Variants in GGT7 observed in about 807,000 individuals in gnomAD.
GGT7 encodes gamma-glutamyltransferase 7, also known as glutathione hydrolase 7.
GGT7 carries 30 observed loss-of-function variants against 69.2 expected under a neutral mutation model. That is an observed-to-expected ratio of 0.43 (90% confidence interval 0.32 to 0.59). The LOEUF is 0.59. GGT7 is among the 20% of genes least tolerant of loss of function. The pLI is 0.05. For synonymous variants in GGT7, 388 were observed against 391.8 expected (o/e 0.99, Z 0.12); for missense variants, 733 against 901.1 (o/e 0.81, Z 2.39).
chr20:34,849,012 CCT>C lies in GGT7; in HGVS notation c.1825+947_1825+948del, dbSNP rs201796787. ...AGGTCCACGATCCGGCGCCTGCCTG[CCT>C]CTCTGATCTAATTTCATCCTTGCTT... On this transcript the variant is annotated intron_variant, in intron 14 of 14. Transcript: ENST00000336431. Among the ~76,000 whole-genome samples the C allele has an allele frequency of 9.0e-3, 1,365 of 152,282 alleles. 27 individuals carry two copies. The highest frequency in any genetic ancestry group is 0.031 in the African/African-American group (1,297 of 41,548).
intron 1 of GGT7, among the ~76,000 whole-genome samples, chr20:34,866,546 CT>C (rs11476486): frequency 0.84 from 124,225 of 147,390 alleles, 52,385 homozygotes; most frequent in East Asian, 0.99. Context: ...CTCACTATTG[CT>C]TTTTTTTTTT....
chr20:34,865,945 G>C (rs2079683151), intron 1 of GGT7, among the ~76,000 whole-genome samples: 1 of 152,052 alleles, frequency 6.6e-6, no homozygotes, highest in Non-Finnish European at 1.5e-5. Context: ...AATTTTTTTA[G>C]TACCTGCTAC....
chr20:34,859,373 A>T, intron 7 of GGT7, 70 bp downstream of exon 7: 10 of 1,239,594 alleles, frequency 8.1e-6, no homozygotes, highest in Non-Finnish European at 1.1e-5. Flanking sequence ...GGAAGGAAAA[A>T]ATGCGGACGC....
Position 34,859,737 on chromosome 20 carries a change from C to G in GGT7, c.818-98G>C, listed in dbSNP as rs570208475. 6.9e-6 allele frequency: 7 copies of G among 1,010,356 alleles called. No homozygotes were observed. In the South Asian group the frequency reaches 1.1e-4, roughly 16 times the overall value. 62.6% of individuals were successfully genotyped at this position (1,010,356 alleles called of 1,614,324 possible). A position where few individuals can be genotyped will look rare whatever the true frequency, so the allele number is the denominator to read the frequency against. ...GGTAGATGGGGGCTGAGTGGCCCAC[C>G]CTAAGTGCCCTGACCCCCAGGAGCC... On this transcript the variant is annotated intron_variant, in intron 6 of 14. Coordinates refer to ENST00000336431, the MANE Select transcript of GGT7 (RefSeq NM_178026.3).
chr20:34,859,883 C>T (rs2079559541), intron 6 of GGT7, 86 bp downstream of exon 6: 1 of 996,462 alleles, frequency 1.0e-6, no homozygotes, highest in Admixed American at 2.0e-5. Flanking sequence ...GAAGAGAGGG[C>T]CTCTCTGGCT....
At chr20:34,851,451 G>A (rs2079391055) in intron 12 of GGT7, 83 bp from the exon 13 acceptor site, 1 of 1,360,576 alleles carries the variant, frequency 7.3e-7, no homozygotes, top group South Asian at 1.4e-5. Flanking sequence ...CCTTCCAACT[G>A]CTCTCCCTCT....
At position 34,850,341 on chromosome 20, in the gene GGT7, G is replaced by C. The variant is rs138240722; in HGVS notation, c.1726-281C>G. On this transcript the variant is annotated intron_variant, in intron 13 of 14. Coordinates refer to ENST00000336431, the MANE Select transcript of GGT7 (RefSeq NM_178026.3). ...GAACCAAGTCTCTTTAATCTAGCCC[G>C]GGGCTCCCTTCTTTTCTCTCTGGAT... is the stretch of plus-strand genomic sequence containing the variant. 814 of 574,632 alleles carry C rather than the reference G, an allele frequency of 1.4e-3. 3 individuals carry two copies. Among genetic ancestry groups the C allele is most frequent in the African/African-American group, 0.014 (747 of 53,666 alleles). The allele number at this position is 574,632 out of a possible 1,614,324, so 35.6% of individuals were successfully genotyped here.
Position 34,863,052 on chromosome 20 carries a change from C to T in GGT7, c.406-87G>A. ...CCACTAGCCCTAGAACTCTACGCGG[C>T]ATGAAGGTCGAAGCCCTGCCCCCTT... is the stretch of plus-strand genomic sequence containing the variant. On this transcript the variant is annotated intron_variant, in intron 2 of 14. Coordinates refer to ENST00000336431, the MANE Select transcript of GGT7 (RefSeq NM_178026.3). The surrounding 1 kb of genome is among the most constrained non-coding windows in gnomAD (Gnocchi z 4.4). 2.2e-6 allele frequency: 3 copies of T among 1,344,728 alleles called. No homozygotes were observed. Among genetic ancestry groups the T allele is most frequent in the Non-Finnish European group, 3.1e-6 (3 of 977,788 alleles). The allele number at this position is 1,344,728 out of a possible 1,614,324, so 83.3% of individuals were successfully genotyped here. A position where few individuals can be genotyped will look rare whatever the true frequency, so the allele number is the denominator to read the frequency against.
chr20:34,859,993 C>A lies in GGT7; in HGVS notation c.793G>T (p.Gly265Cys). 1 of 1,567,786 alleles carries A rather than the reference C, an allele frequency of 6.4e-7. No homozygotes were observed. The highest frequency in any genetic ancestry group is 2.3e-5 in the East Asian group (1 of 42,716). ...LAFAAAVAQD[G>C]FNVTHDLARA... ...CCTAGATCATGAGTCACGTTGAAGC[C>A]ATCTTGGGCCACAGCTGCTGCAAAG... The change falls in exon 6 of 15, where the codon GGC (glycine) becomes TGC (cysteine). Residue 265 changes from glycine (G) to cysteine (C), a missense_variant. Gly to Cys is a radical substitution (Grantham distance 159, BLOSUM62 -3). Transcript: ENST00000336431.
intron 5 of GGT7, 34 bp downstream of exon 5, chr20:34,860,220 G>A (rs780340344): frequency 1.1e-5 from 17 of 1,508,264 alleles, no homozygotes; most frequent in African/African-American, 9.6e-5. Flanking sequence ...AGATGCAAAC[G>A]GGGGTCCCTG....
chr20:34,852,019 A>G, intron 12 of GGT7, 136 bp downstream of exon 12: 1 of 682,092 alleles, frequency 1.5e-6, no homozygotes, highest in Non-Finnish European at 2.7e-6. Flanking sequence ...AGGGCTAGGG[A>G]TGAGGTGAAC....
intron 1 of GGT7, among the ~76,000 whole-genome samples, chr20:34,865,533 CAA>C (rs367793213): frequency 2.6e-5 from 4 of 152,322 alleles, no homozygotes; most frequent in African/African-American, 4.8e-5. Flanking sequence ...TGTCTGGAGA[CAA>C]ACTGGAGGAC....
In GGT7 at chr20:34,852,247, C is replaced by T. The variant is rs2079407701; in HGVS notation, c.1495G>A (p.Gly499Ser). 9 of 1,613,888 alleles carry T rather than the reference C, an allele frequency of 5.6e-6. No individual in the cohort carries two copies. Among genetic ancestry groups the T allele is most frequent in the Non-Finnish European group, 6.8e-6 (8 of 1,179,770 alleles). The change falls in exon 12 of 15, where the codon GGC becomes AGC. Residue 499 changes from glycine to serine, a missense_variant. Physicochemically the swap from Gly to Ser is moderately conservative, Grantham distance 56 (BLOSUM62 0). Coordinates refer to ENST00000336431, the MANE Select transcript of GGT7 (RefSeq NM_178026.3). ...VSSLNQPFGS[G>S]LITPSGILLN... Reference sequence around the variant, plus strand: ...AGGATCCCCGAGGGGGTGATAAGGCCGCTGCCAAAGGGCTGGTTCAGGGAG... The same window carrying T: ...AGGATCCCCGAGGGGGTGATAAGGCTGCTGCCAAAGGGCTGGTTCAGGGAG...
intron 1 of GGT7, among the ~76,000 whole-genome samples, chr20:34,869,954 C>A (rs2079754509): frequency 6.6e-6 from 1 of 152,200 alleles, no homozygotes; most frequent in Non-Finnish European, 1.5e-5. Context: ...TGATCACTGT[C>A]TAGCTCTCTT....
Position 34,854,789 on chromosome 20 carries a change from G to A in GGT7, c.1230+7C>T. On this transcript the variant is annotated splice_region_variant and intron_variant, in intron 9 of 14. Coordinates refer to ENST00000336431, the MANE Select transcript of GGT7 (RefSeq NM_178026.3). ...AATCCAGGGAAAGGCAGACGGGTCAGCCTTACCTCTGCCACCCAGTGAAGA... is the reference window on the plus strand; with the variant it reads ...AATCCAGGGAAAGGCAGACGGGTCAACCTTACCTCTGCCACCCAGTGAAGA... 1.9e-6 allele frequency: 3 copies of A among 1,614,056 alleles called. No homozygotes were observed. Among genetic ancestry groups the A allele is most frequent in the Non-Finnish European group, 2.5e-6 (3 of 1,179,984 alleles).
At position 34,861,448 on chromosome 20, in the gene GGT7, G is replaced by A; in HGVS notation, c.672C>T (p.Thr224=). Residue 224 remains threonine (T), a synonymous_variant, in exon 4 of 15, where the codon ACC becomes ACT. Coordinates refer to ENST00000336431, the MANE Select transcript of GGT7 (RefSeq NM_178026.3). ...CTCTTCTCACCAGGGTCCCCACCTT[G>A]GTCTCCCAGGATCTTTGCAGGGTCT... ...REETLQRSWE[T]KPGLLVGVPG... 6.6e-7 allele frequency: 1 copy of A among 1,521,774 alleles called. No individual in the cohort carries two copies. Among genetic ancestry groups the A allele is most frequent in the East Asian group, 2.4e-5 (1 of 41,922 alleles). The allele number at this position is 1,521,774 out of a possible 1,614,324, so 94.3% of individuals were successfully genotyped here.
At chr20:34,845,677 A>T (rs183188282) in intron 14 of GGT7, among the ~76,000 whole-genome samples, 186 bp from the exon 15 acceptor site, 2 of 152,316 alleles carry the variant, frequency 1.3e-5, no homozygotes, top group Non-Finnish European at 1.5e-5. Flanking sequence ...GAGAACATGA[A>T]GTTGCAGGGA....
At chr20:34,852,108 A>T in intron 12 of GGT7, 47 bp downstream of exon 12, 2 of 1,111,640 alleles carry the variant, frequency 1.8e-6, no homozygotes, top group Non-Finnish European at 2.8e-6. Context: ...TGCACCTCCT[A>T]CCTATAGGCC....
In GGT7 at chr20:34,859,985, G is replaced by T; in HGVS notation, c.801C>A (p.Asn267Lys). The change falls in exon 6 of 15, where the codon AAC becomes AAA. Residue 267 changes from asparagine (N) to lysine (K), a missense_variant. Physicochemically the swap from Asn to Lys is moderately conservative, Grantham distance 94. Coordinates refer to ENST00000336431, the MANE Select transcript of GGT7 (RefSeq NM_178026.3). ...CCCACTGACCTAGATCATGAGTCAC[G>T]TTGAAGCCATCTTGGGCCACAGCTG... ...FAAAVAQDGF[N>K]VTHDLARALA... 6.4e-7 allele frequency: 1 copy of T among 1,563,920 alleles called. No homozygotes were observed. Among genetic ancestry groups the T allele is most frequent in the East Asian group, 2.4e-5 (1 of 42,526 alleles).
Sources: allele counts gnomAD v4.1 joint callset (sites outside exome capture counted in the v4.1 genomes callset), GRCh38; gene constraint gnomAD v4.1.1; non-coding constraint Gnocchi (gnomAD v3.1); transcripts MANE v1.5; gene names NCBI Gene and HGNC (gene_info 2026-07-23, HGNC 2026-07-21).